Variants in SYT5 observed in about 807,000 individuals in gnomAD.
The protein encoded by SYT5 is synaptotagmin 5.
SYT5 carries 29 observed loss-of-function variants against 36.0 expected under a neutral mutation model. The ratio of observed to expected loss-of-function variants is 0.81; its 90% CI spans 0.60 to 1.10. SYT5 has a LOEUF of 1.10. SYT5 is among the 50% of genes least tolerant of loss of function. The pLI is 0.00. For synonymous variants in SYT5, 231 were observed against 227.6 expected (o/e 1.02, Z -0.14); for missense variants, 512 against 516.0 (o/e 0.99, Z 0.08).
intron 8 of SYT5, chr19:55,174,144 TCCCGCTTGGGGGC>T (rs1351997530): frequency 4.8e-6 from 1 of 208,714 alleles, no homozygotes; most frequent in African/African-American, 2.4e-5. Context: ...GGCATCCTGG[TCCCGCTTGGGGGC>T]GGGGCATCCT....
rs771753255 is a variant in SYT5 at position 55,174,977 on chromosome 19, C to G, written c.731G>C (p.Cys244Ser). ...CGTGGGGACATAGCGGAGGGAGAAG[C>G]AGATGTCCCCAAGCTTCTCCTGCTG... ...REEQEKLGDICFSLRYVPTAG... is the reference protein window; with the variant it reads ...REEQEKLGDISFSLRYVPTAG... The change falls in exon 7 of 9, where the codon TGC becomes TCC. Residue 244 changes from cysteine to serine, a missense_variant. Coordinates refer to ENST00000354308, the MANE Select transcript of SYT5 (RefSeq NM_003180.3). 6.2e-7 allele frequency: 1 copy of G among 1,613,846 alleles called. No homozygotes were observed. Among genetic ancestry groups the G allele is most frequent in the Admixed American group, 1.7e-5 (1 of 60,032 alleles).
Position 55,175,630 on chromosome 19 carries a change from A to G in SYT5, c.540+79T>C, listed in dbSNP as rs1212880878. On this transcript the variant is annotated intron_variant, in intron 5 of 8. Transcript: ENST00000354308. This position sits in a 1 kb window ranked among gnomAD's most constrained non-coding sequence, Gnocchi z 4.5. ...CCTGAGCTGTGGCCGCCTCCAGGAA[A>G]AGCGGAAGGGGTCGGTCCCTAGTGT... 4 of 1,549,232 alleles carry G rather than the reference A, an allele frequency of 2.6e-6. No homozygotes were observed. The East Asian group carries it at 9.0e-5, about 35-fold the overall frequency.
At chr19:55,176,171 A>G (rs2086075174) in intron 3 of SYT5, 47 bp from the exon 4 acceptor site, 2 of 1,612,024 alleles carry the variant, frequency 1.2e-6, no homozygotes, top group Admixed American at 3.3e-5. Flanking sequence ...CCCTGATAGC[A>G]GTATCCATCA....
At chr19:55,176,293 G>T in intron 3 of SYT5, 169 bp from the exon 4 acceptor site, 1 of 845,186 alleles carries the variant, frequency 1.2e-6, no homozygotes, top group Non-Finnish European at 1.8e-6. Flanking sequence ...GGAAATAGAC[G>T]TGGTAACACA....
rs1401982135 is a variant in SYT5 at position 55,171,795 on chromosome 19, G to T, written c.*1689C>A. ...AAGACCCCATCTCTAAAAAAGAAAA[G>T]AAAAGAAAAGAAAAAATTAGCTAGG... On this transcript the variant is annotated 3_prime_UTR_variant, in exon 9 of 9. Transcript: ENST00000354308. 1 of 152,120 alleles carries T rather than the reference G, an allele frequency of 6.6e-6. No individual in the cohort carries two copies. The highest frequency in any genetic ancestry group is 2.4e-5 in the African/African-American group (1 of 41,396). The allele number at this position is 152,120 out of a possible 1,614,324, so 9.4% of individuals were successfully genotyped here.
Position 55,175,968 on chromosome 19 carries a change from A to T in SYT5, c.372+37T>A. 1.2e-6 allele frequency: 2 copies of T among 1,613,576 alleles called. No homozygotes were observed. The highest frequency in any genetic ancestry group is 1.7e-6 in the Non-Finnish European group (2 of 1,179,818). ...TTCAGAAGGGGTTGGAACCCCCGGG[A>T]TCCTCCCTCCAAAGCTTCCCCTTCC... is the stretch of plus-strand genomic sequence containing the variant. On this transcript the variant is annotated intron_variant, in intron 4 of 8. Transcript: ENST00000354308. This position sits in a 1 kb window ranked among gnomAD's most constrained non-coding sequence, Gnocchi z 4.5.
At chr19:55,176,896 G>A (rs1215987469) in intron 3 of SYT5, among the ~76,000 whole-genome samples, 6 of 152,208 alleles carry the variant, frequency 3.9e-5, no homozygotes, top group Admixed American at 1.3e-4. Context: ...TTGAGGCTCA[G>A]AGAGGGACAG....
intron 2 of SYT5, 148 bp from the exon 3 acceptor site, chr19:55,178,516 A>C: frequency 9.8e-7 from 1 of 1,017,874 alleles, no homozygotes; most frequent in Non-Finnish European, 1.4e-6. Flanking sequence ...CTTCCACCTA[A>C]TGTGGCCTAT....
Position 55,175,014 on chromosome 19 carries a change from G to T in SYT5, c.709-15C>A. On this transcript the variant is annotated splice_polypyrimidine_tract_variant and intron_variant, in intron 6 of 8. Coordinates refer to ENST00000354308, the MANE Select transcript of SYT5 (RefSeq NM_003180.3). This position sits in a 1 kb window ranked among gnomAD's most constrained non-coding sequence, Gnocchi z 4.5. ...AGCTTCTCCTGCTGAAAGGAGAGGG[G>T]CCCATCACCAGAGCCCCGGCTCCAC... 1 of 1,610,580 alleles carries T rather than the reference G, an allele frequency of 6.2e-7. No homozygotes were observed. The highest frequency in any genetic ancestry group is 1.1e-5 in the South Asian group (1 of 91,068).
chr19:55,173,648 T>C lies in SYT5; in HGVS notation c.997A>G (p.Lys333Glu), dbSNP rs934555309. 17 of 1,484,142 alleles carry C rather than the reference T, an allele frequency of 1.1e-5. No individual in the cohort carries two copies. In the Admixed American group the frequency reaches 1.5e-4, roughly 13 times the overall value. The allele number at this position is 1,484,142 out of a possible 1,614,324, so 91.9% of individuals were successfully genotyped here. ...QVELTVLDYD[K>E]LGKNEAIGRV... ...CCGATGGCCTCGTTCTTGCCCAGCT[T>C]GTCGTAGTCCAGCACGGTCAGCTCC... Residue 333 changes from lysine (K) to glutamate (E), a missense_variant, in exon 9 of 9, where the codon AAG becomes GAG. Lys to Glu is a moderately conservative substitution (Grantham distance 56). Transcript: ENST00000354308. This position sits in a 1 kb window ranked among gnomAD's most constrained non-coding sequence, Gnocchi z 5.4.
chr19:55,175,722 G>C lies in SYT5; in HGVS notation c.527C>G (p.Thr176Ser). 6.2e-7 allele frequency: 1 copy of C among 1,613,750 alleles called. No homozygotes were observed. Among genetic ancestry groups the C allele is most frequent in the South Asian group, 1.1e-5 (1 of 91,062 alleles). Residue 176 changes from threonine to serine, a missense_variant, in exon 5 of 9, where the codon ACC becomes AGC. Transcript: ENST00000354308. The surrounding 1 kb of genome is among the most constrained non-coding windows in gnomAD (Gnocchi z 4.5). ...RQTLNPHFGE[T>S]FAFKVPYVEL... The stretch of plus-strand genomic sequence containing the variant: ...GCAGGAGCTCACCTTGAAGGCGAAG[G>C]TCTCCCCAAAGTGAGGGTTCAGCGT...
In SYT5 at chr19:55,175,049, T is replaced by C. The variant is rs12462211; in HGVS notation, c.709-50A>G. ...AGAGCCCCGGCTCCACATCCATGCC[T>C]CCTCAGGGGTACAATCCACGCCGCC... On this transcript the variant is annotated intron_variant, in intron 6 of 8. Transcript: ENST00000354308. The surrounding 1 kb of genome is among the most constrained non-coding windows in gnomAD (Gnocchi z 4.5). 87,834 of 1,603,618 alleles carry C rather than the reference T, an allele frequency of 0.055. 7,448 individuals carry two copies. The highest frequency in any genetic ancestry group is 0.34 in the Admixed American group (20,594 of 59,776).
rs943291307 is a variant in SYT5, at chr19:55,175,634, G to C, written c.540+75C>G. The C allele has an allele frequency of 6.4e-7, 1 of 1,553,678 alleles. No homozygotes were observed. The stretch of plus-strand genomic sequence containing the variant: ...AGCTGTGGCCGCCTCCAGGAAAAGC[G>C]GAAGGGGTCGGTCCCTAGTGTTCCA... On this transcript the variant is annotated intron_variant, in intron 5 of 8. Coordinates refer to ENST00000354308, the MANE Select transcript of SYT5 (RefSeq NM_003180.3). This position sits in a 1 kb window ranked among gnomAD's most constrained non-coding sequence, Gnocchi z 4.5.
rs1272798151 is a variant in SYT5, at chr19:55,175,184, A to C, written c.696T>G (p.Ala232=). The C allele has an allele frequency of 1.9e-6, 3 of 1,601,766 alleles. No individual in the cohort carries two copies. Among genetic ancestry groups the C allele is most frequent in the Non-Finnish European group, 1.7e-6 (2 of 1,175,536 alleles). Residue 232 remains alanine (A), a synonymous_variant, in exon 6 of 9, where the codon GCT becomes GCG. Coordinates refer to ENST00000354308, the MANE Select transcript of SYT5 (RefSeq NM_003180.3). The surrounding 1 kb of genome is among the most constrained non-coding windows in gnomAD (Gnocchi z 4.5). The part of the protein sequence containing the change: ...PVQAWRELQA[A]PREEQEKLGD... ...CGCGCATGCTCACCTCCTCCCGCGG[A>C]GCCGCCTGCAGCTCCCGCCAGGCCT...
In SYT5 at chr19:55,175,250, C is replaced by A; in HGVS notation, c.630G>T (p.Val210=). The change falls in exon 6 of 9, where the codon GTG becomes GTT. Residue 210 remains valine (V), a synonymous_variant. Coordinates refer to ENST00000354308, the MANE Select transcript of SYT5 (RefSeq NM_003180.3). The surrounding 1 kb of genome is among the most constrained non-coding windows in gnomAD (Gnocchi z 4.5). Reference sequence around the variant, plus strand: ...GGTCCACGGAGCTCATAGGGACCCGCACCTCCCCGATGGCGTCATTGCGAG... The same window carrying A: ...GGTCCACGGAGCTCATAGGGACCCGAACCTCCCCGATGGCGTCATTGCGAG... ...RFSRNDAIGE[V]RVPMSSVDLG... 6.2e-7 allele frequency: 1 copy of A among 1,608,758 alleles called. No homozygotes were observed. Among genetic ancestry groups the A allele is most frequent in the Admixed American group, 1.7e-5 (1 of 58,264 alleles).
Position 55,175,120 on chromosome 19 carries a change from G to C in SYT5, c.708+52C>G, listed in dbSNP as rs933245624. On this transcript the variant is annotated intron_variant, in intron 6 of 8. Coordinates refer to ENST00000354308, the MANE Select transcript of SYT5 (RefSeq NM_003180.3). This position sits in a 1 kb window ranked among gnomAD's most constrained non-coding sequence, Gnocchi z 4.5. ...TGATCTGATTGGCTCAGGATGTTGT[G>C]GGCGGGACTGGGCCTGGGGGCGTGG... The C allele has an allele frequency of 6.3e-7, 1 of 1,576,264 alleles. No homozygotes were observed. The highest frequency in any genetic ancestry group is 1.3e-5 in the African/African-American group (1 of 74,128).
In SYT5 at chr19:55,172,505, CA is replaced by C. The variant is rs2086016399; in HGVS notation, c.*978del. ...AAGAAAAGGAAAGACAGAAAGAAAA[CA>C]AAAAGGAAAAAAGAAAAGAAAAAAG... On this transcript the variant is annotated 3_prime_UTR_variant, in exon 9 of 9. Coordinates refer to ENST00000354308, the MANE Select transcript of SYT5 (RefSeq NM_003180.3). 6.7e-6 allele frequency: 1 copy of C among 148,782 alleles called. No individual in the cohort carries two copies. The highest frequency in any genetic ancestry group is 1.5e-5 in the Non-Finnish European group (1 of 67,092). 9.2% of individuals were successfully genotyped at this position (148,782 alleles called of 1,614,324 possible).
chr19:55,175,435 G>C lies in SYT5; in HGVS notation c.541-96C>G. The C allele has an allele frequency of 2.3e-6, 3 of 1,333,124 alleles. No homozygotes were observed. Among genetic ancestry groups the C allele is most frequent in the African/African-American group, 2.9e-5 (2 of 68,048 alleles). 82.6% of individuals were successfully genotyped at this position (1,333,124 alleles called of 1,614,324 possible). On this transcript the variant is annotated intron_variant, in intron 5 of 8. Coordinates refer to ENST00000354308, the MANE Select transcript of SYT5 (RefSeq NM_003180.3). The surrounding 1 kb of genome is among the most constrained non-coding windows in gnomAD (Gnocchi z 4.5). ...AGGAAGGCATGGAGTGAGGCAGCGA[G>C]GGTCGAAGCGAACAGTTGGGGGAAC...
Position 55,179,045 on chromosome 19 carries a change from G to A in SYT5, c.-4C>T. On this transcript the variant is annotated 5_prime_UTR_variant, in exon 2 of 9. Transcript: ENST00000354308. This position sits in a 1 kb window ranked among gnomAD's most constrained non-coding sequence, Gnocchi z 4.5. ...GGGTTGGGGGCTCCGGGAACATGGT[G>A]GCGGGGTCCTGGAGTCTTTTCTGCA... The A allele has an allele frequency of 1.2e-6, 2 of 1,604,068 alleles. No individual in the cohort carries two copies. Among genetic ancestry groups the A allele is most frequent in the South Asian group, 1.1e-5 (1 of 88,990 alleles).
Sources: gnomAD v4.1 joint callset for allele counts (sites outside exome capture counted in the v4.1 genomes callset) on GRCh38, gnomAD v4.1.1 for gene constraint, Gnocchi (gnomAD v3.1) non-coding constraint, MANE v1.5 for transcripts, NCBI Gene and HGNC (gene_info 2026-07-23, HGNC 2026-07-21) for gene names.